Variants in SIGLEC10 observed in about 807,000 individuals in gnomAD.
SIGLEC10 encodes the protein sialic acid-binding Ig-like lectin 10.
Under a neutral mutation model 68.3 loss-of-function variants are expected in SIGLEC10, and 45 were observed. That is an observed-to-expected ratio of 0.66 (90% confidence interval 0.52 to 0.84). The LOEUF is 0.84. Among genes scored for constraint, SIGLEC10 ranks in the 40% least tolerant of loss-of-function variants. The probability of loss-of-function intolerance (pLI) is 0.00; values close to 1 mark genes in which losing one functional copy is unlikely to be tolerated. For synonymous variants in SIGLEC10, 379 were observed against 370.8 expected, an observed-to-expected ratio of 1.02 and a Z score of -0.26; for missense variants, 789 against 883.1, an observed-to-expected ratio of 0.89 and a Z score of 1.35.
chr19:51,412,508 T>C (rs578007194), intron 10 of SIGLEC10, among the ~76,000 whole-genome samples: 1 of 151,956 alleles, frequency 6.6e-6, no homozygotes, highest in Admixed American at 6.6e-5. Flanking sequence ...AGATGAAGTT[T>C]CGCTCTTGTT....
Position 51,416,200 on chromosome 19 carries a change from A to G in SIGLEC10, c.755-33T>C, listed in dbSNP as rs1165025948. ...GGGAGGAAAAAAAAAAAAGAGAGAA[A>G]GGGAGGGAGAAAGAGAGAAGGGGTA... is the stretch of plus-strand genomic sequence containing the variant. On this transcript the variant is annotated intron_variant, in intron 4 of 10. Transcript: ENST00000339313. 6 of 1,603,876 alleles carry G rather than the reference A, an allele frequency of 3.7e-6. No individual in the cohort carries two copies. The African/African-American group carries it at 6.8e-5, about 18-fold the overall frequency.
At position 51,415,575 on chromosome 19, in the gene SIGLEC10, G is replaced by A; in HGVS notation, c.1065C>T (p.Asn355=). The change falls in exon 6 of 11, where the codon AAC becomes AAT. Residue 355 remains asparagine (N), a synonymous_variant. Coordinates refer to ENST00000339313, the MANE Select transcript of SIGLEC10 (RefSeq NM_033130.5). ...ENLRVMVSQA[N]RTVLENLGNG... ...CTCTGTCCCCTTTCCTACCTGTCCTGTTTGCTTGGGAAACCATCACTCTCA... is the reference window on the plus strand; with the variant it reads ...CTCTGTCCCCTTTCCTACCTGTCCTATTTGCTTGGGAAACCATCACTCTCA... 1.2e-6 allele frequency: 2 copies of A among 1,613,974 alleles called. No individual in the cohort carries two copies. Among genetic ancestry groups the A allele is most frequent in the Non-Finnish European group, 8.5e-7 (1 of 1,179,878 alleles).
chr19:51,415,843 C>T lies in SIGLEC10; in HGVS notation c.1024+55G>A. 4.4e-6 allele frequency: 7 copies of T among 1,608,186 alleles called. No individual in the cohort carries two copies. In the South Asian group the frequency reaches 7.7e-5, roughly 18 times the overall value. On this transcript the variant is annotated intron_variant, in intron 5 of 10. Coordinates refer to ENST00000339313, the MANE Select transcript of SIGLEC10 (RefSeq NM_033130.5). Reference sequence around the variant, plus strand: ...TCAGCTCTGGGACCCTGAGCCCAGCCCCTGTATCCCTCTGCCCTCCCAATG... The same window carrying T: ...TCAGCTCTGGGACCCTGAGCCCAGCTCCTGTATCCCTCTGCCCTCCCAATG...
Position 51,416,877 on chromosome 19 carries a change from C to T in SIGLEC10, c.495G>A (p.Val165=). The T allele has an allele frequency of 6.2e-7, 1 of 1,614,150 alleles. No homozygotes were observed. Among genetic ancestry groups the T allele is most frequent in the Non-Finnish European group, 8.5e-7 (1 of 1,180,016 alleles). ...GACATTCCTCAAAGGCCCAGTTAAACACACAGATGACCGTCACCGGCTGCC... is the reference window on the plus strand; with the variant it reads ...GACATTCCTCAAAGGCCCAGTTAAATACACAGATGACCGTCACCGGCTGCC... ...EPGQPVTVIC[V]FNWAFEECPP... The change falls in exon 3 of 11, where the codon GTG becomes GTA. Residue 165 remains valine, a synonymous_variant. Transcript: ENST00000339313.
rs1299000079 is a variant in SIGLEC10, at chr19:51,415,387, C to A, written c.1124G>T (p.Ser375Ile). 1.2e-6 allele frequency: 2 copies of A among 1,610,714 alleles called. No homozygotes were observed. The highest frequency in any genetic ancestry group is 2.2e-5 in the South Asian group (2 of 90,786). Reference protein sequence around the residue: ...GTSLPVLEGQSLCLVCVTHSS... With the variant: ...GTSLPVLEGQILCLVCVTHSS... ...GTGTGTGACACAGACCAGGCACAGGCTTTGGCCCTCCAGTACTGGGAGAGA... is the reference window on the plus strand; with the variant it reads ...GTGTGTGACACAGACCAGGCACAGGATTTGGCCCTCCAGTACTGGGAGAGA... Residue 375 changes from serine (S) to isoleucine (I), a missense_variant, in exon 7 of 11, where the codon AGC becomes ATC. By Grantham distance (142) the Ser-to-Ile change is moderately radical. Transcript: ENST00000339313.
chr19:51,417,238 G>C lies in SIGLEC10; in HGVS notation c.265C>G (p.Arg89Gly). 7.4e-6 allele frequency: 12 copies of C among 1,614,212 alleles called. No homozygotes were observed. Among genetic ancestry groups the C allele is most frequent in the Non-Finnish European group, 1.0e-5 (12 of 1,180,042 alleles). The change falls in exon 2 of 11, where the codon CGA (arginine) becomes GGA (glycine). Residue 89 changes from arginine (R) to glycine (G), a missense_variant. Physicochemically the swap from Arg to Gly is moderately radical, Grantham distance 125. Transcript: ENST00000339313. ...SREVEMSTRG[R>G]FQLTGDPAKG... ...GCGGGATCCCCAGTGAGCTGGAATC[G>C]GCCCCGGGTGCTCATTTCCACCTCT...
In SIGLEC10 at chr19:51,414,424, GATC is replaced by G. The variant is rs1349110846; in HGVS notation, c.1704_1706del (p.Ile570del). 2.5e-6 allele frequency: 4 copies of G among 1,613,182 alleles called. No individual in the cohort carries two copies. In the African/African-American group the frequency reaches 5.3e-5, roughly 22 times the overall value. On this transcript the variant is annotated inframe_deletion, in exon 9 of 11. Coordinates refer to ENST00000339313, the MANE Select transcript of SIGLEC10 (RefSeq NM_033130.5). The surrounding 1 kb of genome is among the most constrained non-coding windows in gnomAD (Gnocchi z 4.1). ...CGCCACGCCTCCTCTTAACCTACAT[GATC>G]AGGGCCAGGCAGAGGAAAAGAAGAG... is the stretch of plus-strand genomic sequence containing the variant.
rs756010274 is a variant in SIGLEC10, at chr19:51,417,376, A to G, written c.127T>C (p.Phe43Leu). Residue 43 changes from phenylalanine to leucine, a missense_variant, in exon 2 of 11, where the codon TTC becomes CTC. Coordinates refer to ENST00000339313, the MANE Select transcript of SIGLEC10 (RefSeq NM_033130.5). ...GTCCAGTCCTGTCGGGGGTAGGAGA[A>G]AGAGCAGGGCACAGAGATGCACAGG... ...EGLCISVPCSFSYPRQDWTGS... is the reference protein window; with the variant it reads ...EGLCISVPCSLSYPRQDWTGS... 3.7e-6 allele frequency: 6 copies of G among 1,614,068 alleles called. No homozygotes were observed. The African/African-American group carries it at 5.3e-5, about 14-fold the overall frequency.
chr19:51,416,117 C>T lies in SIGLEC10; in HGVS notation c.805G>A (p.Gly269Ser), dbSNP rs1385778852. The T allele has an allele frequency of 1.9e-6, 3 of 1,607,818 alleles. No homozygotes were observed. Among genetic ancestry groups the T allele is most frequent in the East Asian group, 2.2e-5 (1 of 44,592 alleles). Residue 269 changes from glycine (G) to serine (S), a missense_variant, in exon 5 of 11, where the codon GGC becomes AGC. By Grantham distance (56) the Gly-to-Ser change is moderately conservative. Coordinates refer to ENST00000339313, the MANE Select transcript of SIGLEC10 (RefSeq NM_033130.5). The part of the protein sequence containing the change: ...GNVPYLEAQK[G>S]QFLRLLCAAD... ...GCACAGAGGAGCCGCAGGAACTGGC[C>T]TTTTTGGGCTTCCAGGTATGGGACA...
intron 9 of SIGLEC10, 145 bp from the exon 10 acceptor site, chr19:51,413,968 C>T (rs1039569703): frequency 2.6e-5 from 17 of 647,524 alleles, no homozygotes; most frequent in Non-Finnish European, 3.9e-5. Flanking sequence ...GGAGGACAAA[C>T]GTAGAAATGA....
At position 51,416,881 on chromosome 19, in the gene SIGLEC10, C is replaced by A; in HGVS notation, c.491G>T (p.Cys164Phe). Reference sequence around the variant, plus strand: ...TTCCTCAAAGGCCCAGTTAAACACACAGATGACCGTCACCGGCTGCCCGGG... The same window carrying A: ...TTCCTCAAAGGCCCAGTTAAACACAAAGATGACCGTCACCGGCTGCCCGGG... ...LEPGQPVTVI[C>F]VFNWAFEECP... Residue 164 changes from cysteine to phenylalanine, a missense_variant, in exon 3 of 11, where the codon TGT becomes TTT. Transcript: ENST00000339313. 6.2e-7 allele frequency: 1 copy of A among 1,614,140 alleles called. No homozygotes were observed. Among genetic ancestry groups the A allele is most frequent in the Non-Finnish European group, 8.5e-7 (1 of 1,180,010 alleles).
chr19:51,416,180 GAA>G lies in SIGLEC10; in HGVS notation c.755-15_755-14del, dbSNP rs375392809. ...TGGGGCTCCAGGGCTGGAGTGGGAG[GAA>G]AAAAAAAAAAGAGAGAAAGGGAGGG... On this transcript the variant is annotated splice_polypyrimidine_tract_variant and intron_variant, in intron 4 of 10. Transcript: ENST00000339313. 5,115 of 1,340,496 alleles carry G rather than the reference GAA, an allele frequency of 3.8e-3. 65 individuals are homozygous for G. In the African/African-American group the frequency reaches 0.046, roughly 12 times the overall value. The allele number at this position is 1,340,496 out of a possible 1,614,324, so 83.0% of individuals were successfully genotyped here.
In SIGLEC10 at chr19:51,416,188, A is replaced by T. The variant is rs776332917; in HGVS notation, c.755-21T>A. On this transcript the variant is annotated intron_variant, in intron 4 of 10. Transcript: ENST00000339313. ...CAGGGCTGGAGTGGGAGGAAAAAAAAAAAAGAGAGAAAGGGAGGGAGAAAG... is the reference window on the plus strand; with the variant it reads ...CAGGGCTGGAGTGGGAGGAAAAAAATAAAAGAGAGAAAGGGAGGGAGAAAG... 1.9e-6 allele frequency: 3 copies of T among 1,603,958 alleles called. No individual in the cohort carries two copies. The South Asian group carries it at 3.3e-5, about 18-fold the overall frequency.
At position 51,410,071 on chromosome 19, in the gene SIGLEC10, C is replaced by T. The variant is rs1056278980; in HGVS notation, c.*1028G>A. On this transcript the variant is annotated 3_prime_UTR_variant, in exon 11 of 11. Coordinates refer to ENST00000339313, the MANE Select transcript of SIGLEC10 (RefSeq NM_033130.5). ...AAGTAAAGGAACAAAAGAATGGCTA[C>T]TCCATAGACAAGAGCAGCGCCTAGA... 1 of 152,232 alleles carries T rather than the reference C, an allele frequency of 6.6e-6. No homozygotes were observed. The highest frequency in any genetic ancestry group is 2.4e-5 in the African/African-American group (1 of 41,450). The allele number at this position is 152,232 out of a possible 1,614,324, so 9.4% of individuals were successfully genotyped here. A position where few individuals can be genotyped will look rare whatever the true frequency, so the allele number is the denominator to read the frequency against.
chr19:51,415,520 C>A, intron 6 of SIGLEC10, 48 bp downstream of exon 6: 1 of 1,614,082 alleles, frequency 6.2e-7, no homozygotes, highest in Non-Finnish European at 8.5e-7. Context: ...ACTCCTGGGC[C>A]CCCAATTCGG....
rs745346335 is a variant in SIGLEC10 at position 51,415,365 on chromosome 19, T to G, written c.1146A>C (p.Thr382=). 2.4e-5 allele frequency: 38 copies of G among 1,612,916 alleles called. No individual in the cohort carries two copies. Among genetic ancestry groups the G allele is most frequent in the Admixed American group, 5.0e-5 (3 of 59,938 alleles). ...TCAGCCTGGCTGGGGGGCTGCTGTGTGTGACACAGACCAGGCACAGGCTTT... is the reference window on the plus strand; with the variant it reads ...TCAGCCTGGCTGGGGGGCTGCTGTGGGTGACACAGACCAGGCACAGGCTTT... ...EGQSLCLVCV[T]HSSPPARLSW... The change falls in exon 7 of 11, where the codon ACA becomes ACC. Residue 382 remains threonine (T), a synonymous_variant. Coordinates refer to ENST00000339313, the MANE Select transcript of SIGLEC10 (RefSeq NM_033130.5).
In SIGLEC10 at chr19:51,417,477, CAG is replaced by C. The variant is rs1464329292; in HGVS notation, c.38-14_38-13del. On this transcript the variant is annotated splice_polypyrimidine_tract_variant and intron_variant, in intron 1 of 10. Coordinates refer to ENST00000339313, the MANE Select transcript of SIGLEC10 (RefSeq NM_033130.5). ...CATAGCCTGGGACCCTGTGGGGAGA[CAG>C]AGGCTCAACCTGCAACCCCAGCCCT... 2 of 1,613,684 alleles carry C rather than the reference CAG, an allele frequency of 1.2e-6. No homozygotes were observed. Among genetic ancestry groups the C allele is most frequent in the Admixed American group, 1.7e-5 (1 of 60,000 alleles).
In SIGLEC10 at chr19:51,413,727, C is replaced by G; in HGVS notation, c.1806G>C (p.Pro602=). 2 of 1,614,068 alleles carry G rather than the reference C, an allele frequency of 1.2e-6. No individual in the cohort carries two copies. Among genetic ancestry groups the G allele is most frequent in the Non-Finnish European group, 1.7e-6 (2 of 1,179,982 alleles). Residue 602 remains proline, a synonymous_variant, in exon 10 of 11, where the codon CCG becomes CCC. Transcript: ENST00000339313. ...STILDYINVV[P]TAGPLAQKRN... is the part of the protein sequence containing the mutation. ...AGACACTCACCAGGGGGCCAGCCGT[C>G]GGGACCACATTGATGTAATCCAGGA... is the stretch of plus-strand genomic sequence containing the variant.
In SIGLEC10 at chr19:51,414,445, A is replaced by C. The variant is rs995037512; in HGVS notation, c.1686T>G (p.Leu562=). The C allele has an allele frequency of 1.2e-6, 2 of 1,613,940 alleles. No individual in the cohort carries two copies. Among genetic ancestry groups the C allele is most frequent in the Admixed American group, 3.3e-5 (2 of 60,004 alleles). The change falls in exon 9 of 11, where the codon CTT becomes CTG. Residue 562 remains leucine, a synonymous_variant. Coordinates refer to ENST00000339313, the MANE Select transcript of SIGLEC10 (RefSeq NM_033130.5). The surrounding 1 kb of genome is among the most constrained non-coding windows in gnomAD (Gnocchi z 4.1). ...ACATGATCAGGGCCAGGCAGAGGAA[A>C]AGAAGAGCCGTGATGCCGATTCCCA... ...AFLGIGITAL[L]FLCLALIIMK... is the part of the protein sequence containing the mutation.
Sources: gnomAD v4.1 joint callset for allele counts (sites outside exome capture counted in the v4.1 genomes callset) on GRCh38, gnomAD v4.1.1 for gene constraint, Gnocchi (gnomAD v3.1) non-coding constraint, MANE v1.5 for transcripts, NCBI Gene and HGNC (gene_info 2026-07-23, HGNC 2026-07-21) for gene names.